The following FANCI variants were observed in gnomAD, a reference collection of about 807,000 sequenced individuals.
The protein encoded by FANCI is FA complementation group I.
Under a neutral mutation model 176.1 loss-of-function variants are expected in FANCI, and 156 were observed. That is an observed-to-expected ratio of 0.89 (90% confidence interval 0.78 to 1.01). FANCI has a LOEUF of 1.01. FANCI is among the 50% of genes least tolerant of loss of function. The probability of loss-of-function intolerance (pLI) is 0.00; values close to 1 mark genes in which losing one functional copy is unlikely to be tolerated. For missense variants in FANCI, 1,678 were observed against 1,534.1 expected (o/e 1.09, Z -1.57); for synonymous variants, 613 against 541.7 (o/e 1.13, Z -1.83).
intron 2 of FANCI, among the ~76,000 whole-genome samples, chr15:89,249,610 A>AG (rs1177422083): frequency 2.0e-5 from 3 of 152,196 alleles, no homozygotes; most frequent in Non-Finnish European, 2.9e-5. Context: ...AGCCTCCCAC[A>AG]GTGCCGGGAT....
Position 89,276,807 on chromosome 15 carries a change from T to G in FANCI, c.1209T>G (p.Thr403=), listed in dbSNP as rs761498113. The change falls in exon 13 of 38, where the codon ACT becomes ACG. Residue 403 remains threonine, a synonymous_variant. Transcript: ENST00000310775. The stretch of plus-strand genomic sequence containing the variant: ...CAAAGAAGGTTCTTGATGGAAAAAC[T>G]ATTGAAACCAGCCCAAGTCTTTCTA... ...YGPKKVLDGK[T]IETSPSLSRM... The G allele has an allele frequency of 1.2e-6, 2 of 1,614,190 alleles. No homozygotes were observed. The highest frequency in any genetic ancestry group is 2.2e-5 in the South Asian group (2 of 91,086).
At chr15:89,314,048 T>C (rs990240119) in intron 35 of FANCI, among the ~76,000 whole-genome samples, 6 of 58,152 alleles carry the variant, frequency 1.0e-4, no homozygotes, top group African/African-American at 5.2e-4. Context: ...GGGAAAGATA[T>C]ATAATCACAG....
chr15:89,312,602 C>T (rs1460936498), intron 34 of FANCI, among the ~76,000 whole-genome samples: 1 of 152,036 alleles, frequency 6.6e-6, no homozygotes, highest in African/African-American at 2.4e-5. Flanking sequence ...GGCAGATCAC[C>T]TGAGGCCAGG....
At position 89,261,622 on chromosome 15, in the gene FANCI, C is replaced by G. The variant is rs772968604; in HGVS notation, c.326C>G (p.Ala109Gly). Residue 109 changes from alanine (A) to glycine (G), a missense_variant, in exon 5 of 38, where the codon GCC becomes GGC. By Grantham distance (60) the Ala-to-Gly change is moderately conservative (BLOSUM62 0). Transcript: ENST00000310775. The part of the protein sequence containing the change: ...HFPGPLLVEL[A>G]NEFISAVREG... ...CCAGGACCATTATTGGTTGAATTAG[C>G]CAATGAGTTTATTAGTGCTGTCAGA... 3.0e-5 allele frequency: 48 copies of G among 1,614,088 alleles called. 1 individual carries two copies. The East Asian group carries it at 1.1e-3, about 36-fold the overall frequency.
chr15:89,285,434 C>G (rs2053776849), intron 18 of FANCI, among the ~76,000 whole-genome samples: 1 of 152,118 alleles, frequency 6.6e-6, no homozygotes, highest in Non-Finnish European at 1.5e-5. Flanking sequence ...GCAGGAGGAT[C>G]AAGCAAGACT....
At position 89,287,531 on chromosome 15, in the gene FANCI, T is replaced by A. The variant is rs1409446288; in HGVS notation, c.1821+2313T>A. On this transcript the variant is annotated intron_variant, in intron 18 of 37. Transcript: ENST00000310775. ...CTAATCATTCATATGTTCACTGGAA[T>A]AGCACTTTAAATTTCCTTTAAGAGC... 2.0e-5 allele frequency among the ~76,000 whole-genome samples: 3 copies of A among 152,094 alleles called. No homozygotes were observed. In the East Asian group the frequency reaches 5.8e-4, roughly 29 times the overall value.
chr15:89,252,553 A>G (rs2052305134), intron 2 of FANCI, among the ~76,000 whole-genome samples: 2 of 152,078 alleles, frequency 1.3e-5, no homozygotes, highest in African/African-American at 4.8e-5. Context: ...TAGCCTGGCC[A>G]ACATGGTGAA....
Position 89,294,899 on chromosome 15 carries a change from C to T in FANCI, c.2457-16C>T, listed in dbSNP as rs1440622979. On this transcript the variant is annotated splice_polypyrimidine_tract_variant and intron_variant, in intron 23 of 37. Coordinates refer to ENST00000310775, the MANE Select transcript of FANCI (RefSeq NM_001113378.2). ...GGAATCTTCCTTTTTCTTTCTCTCT[C>T]TCTGTCTCTCTCTAGGGATAGTATC... 3.2e-6 allele frequency: 5 copies of T among 1,548,558 alleles called. No individual in the cohort carries two copies. The highest frequency in any genetic ancestry group is 1.7e-4 in the Middle Eastern group (1 of 5,966).
chr15:89,300,167 A>T, intron 25 of FANCI, 133 bp from the exon 26 acceptor site: 1 of 1,072,078 alleles, frequency 9.3e-7, no homozygotes, highest in Non-Finnish European at 1.4e-6. Context: ...ATATAGTATT[A>T]AGAAATCACA....
intron 12 of FANCI, among the ~76,000 whole-genome samples, chr15:89,275,310 T>A (rs2053370079): frequency 6.6e-6 from 1 of 152,178 alleles, no homozygotes; most frequent in African/African-American, 2.4e-5. Flanking sequence ...CAGTTGGAAT[T>A]CAATTATTGA....
chr15:89,260,822 C>CAT lies in FANCI; in HGVS notation c.269_270dup (p.Gly91Ter). On this transcript the variant is annotated frameshift_variant, in exon 4 of 38. Coordinates refer to ENST00000310775, the MANE Select transcript of FANCI (RefSeq NM_001113378.2). LOFTEE classifies it high-confidence loss of function. ...TGCAGAAAGAAATAGCGTCTGAGAT[C>CAT]ATAGGATTACTGATGCTGGAGGTAA... The CAT allele has an allele frequency of 6.2e-7, 1 of 1,613,784 alleles. No individual in the cohort carries two copies. Among genetic ancestry groups the CAT allele is most frequent in the Non-Finnish European group, 8.5e-7 (1 of 1,179,830 alleles).
intron 24 of FANCI, among the ~76,000 whole-genome samples, chr15:89,298,337 A>C (rs1490556081): frequency 6.6e-6 from 1 of 152,234 alleles, no homozygotes; most frequent in African/African-American, 2.4e-5. Context: ...AGTAACAGAA[A>C]GATATCTAGA....
At chr15:89,312,738 T>G (rs2055016091) in intron 34 of FANCI, among the ~76,000 whole-genome samples, 166 bp from the exon 35 acceptor site, 1 of 151,686 alleles carries the variant, frequency 6.6e-6, no homozygotes, top group South Asian at 2.1e-4. Flanking sequence ...AAGAATCACT[T>G]AACTCGGGGC....
At chr15:89,265,133 C>T (rs752601922) in intron 9 of FANCI, among the ~76,000 whole-genome samples, 1 of 152,134 alleles carries the variant, frequency 6.6e-6, no homozygotes, top group African/African-American at 2.4e-5. Flanking sequence ...AGAACATTCT[C>T]AGGTAGGGAA....
In FANCI at chr15:89,294,013, A is replaced by G. The variant is rs367921591; in HGVS notation, c.2456+16A>G. ...CTCTTTTCAGGTAAGGTTCTGCTAG[A>G]GTGCTTAAAGACAGCCACTCCCTGA... On this transcript the variant is annotated intron_variant, in intron 23 of 37. Transcript: ENST00000310775. 5 of 1,613,900 alleles carry G rather than the reference A, an allele frequency of 3.1e-6. No homozygotes were observed. In the African/African-American group the frequency reaches 6.7e-5, roughly 22 times the overall value.
intron 15 of FANCI, 79 bp downstream of exon 15, chr15:89,281,379 A>G: frequency 6.6e-7 from 1 of 1,513,598 alleles, no homozygotes; most frequent in Non-Finnish European, 9.1e-7. Flanking sequence ...TTTTTGTATA[A>G]ATATATATGT....
rs2054691445 is a variant in FANCI at position 89,305,683 on chromosome 15, C to G, written c.3334C>G (p.Gln1112Glu). 6.2e-7 allele frequency: 1 copy of G among 1,613,980 alleles called. No individual in the cohort carries two copies. Among genetic ancestry groups the G allele is most frequent in the Admixed American group, 1.7e-5 (1 of 60,004 alleles). ...CACCAAGCTTAAGGGACAAGTGAGC[C>G]AAGAAACCTTATCAGGTAAGATAAG... The part of the protein sequence containing the change: ...LITKLKGQVS[Q>E]ETLSEEASSQ... The change falls in exon 31 of 38, where the codon CAA (glutamine) becomes GAA (glutamate). Residue 1112 changes from glutamine (Q) to glutamate (E), a missense_variant. By Grantham distance (29) the Gln-to-Glu change is conservative. This residue lies in a region of FANCI where 1,204 missense variants were observed against 1,077.4 expected (regional missense o/e 1.12). Transcript: ENST00000310775.
At chr15:89,251,496 A>G (rs1323695486) in intron 2 of FANCI, among the ~76,000 whole-genome samples, 4 of 152,224 alleles carry the variant, frequency 2.6e-5, no homozygotes, top group Non-Finnish European at 5.9e-5. Context: ...AACAAATATA[A>G]CATTGATTTT....
chr15:89,272,855 C>T (rs1215778515), intron 10 of FANCI, among the ~76,000 whole-genome samples: 2 of 151,956 alleles, frequency 1.3e-5, no homozygotes, highest in Non-Finnish European at 2.9e-5. Flanking sequence ...CTTTACAAGA[C>T]AGGGTTTCAC....
Sources: allele counts gnomAD v4.1 joint callset (sites outside exome capture counted in the v4.1 genomes callset), GRCh38; gene constraint gnomAD v4.1.1; regional missense constraint gnomAD v4.1.1; transcripts MANE v1.5; gene names NCBI Gene and HGNC (gene_info 2026-07-23, HGNC 2026-07-21).